Variants in IQCB1 observed in about 807,000 individuals in gnomAD.
IQCB1 encodes IQ calmodulin-binding motif-containing protein 1.
Under a neutral mutation model 84.4 loss-of-function variants are expected in IQCB1, and 56 were observed. That is an observed-to-expected ratio of 0.66 (90% confidence interval 0.54 to 0.83). The LOEUF (loss-of-function observed/expected upper bound fraction) is 0.83. Among genes scored for constraint, IQCB1 ranks in the 40% least tolerant of loss-of-function variants. IQCB1 has a pLI of 0.00. For synonymous variants in IQCB1, 210 were observed against 234.8 expected (o/e 0.89, Z 0.96); for missense variants, 629 against 682.1 (o/e 0.92, Z 0.87).
At chr3:121,797,294 A>G in intron 8 of IQCB1, 67 bp from the exon 9 acceptor site, 1 of 713,496 alleles carries the variant, frequency 1.4e-6, no homozygotes, top group South Asian at 2.0e-5. Flanking sequence ...TTATCTAATC[A>G]GTATTAATTT....
At chr3:121,830,920 C>T (rs1950615216) in intron 2 of IQCB1, among the ~76,000 whole-genome samples, 1 of 152,234 alleles carries the variant, frequency 6.6e-6, no homozygotes, top group Admixed American at 6.5e-5. Context: ...TGCTGGGTTT[C>T]CCCACTCAGT....
chr3:121,771,159 C>A (rs59740137), intron 14 of IQCB1, among the ~76,000 whole-genome samples: 36,772 of 149,542 alleles, frequency 0.25, 5,047 homozygotes, highest in Admixed American at 0.43. Context: ...TTAGTAGAGA[C>A]GGGCGTTTCA....
chr3:121,777,660 AG>A (rs1358468328), intron 13 of IQCB1, among the ~76,000 whole-genome samples: 5 of 152,182 alleles, frequency 3.3e-5, no homozygotes, highest in African/African-American at 1.2e-4. Context: ...AGAAATGTTA[AG>A]TCTTTTACAC....
At chr3:121,816,943 T>C (rs1559793324) in intron 5 of IQCB1, among the ~76,000 whole-genome samples, 1 of 152,156 alleles carries the variant, frequency 6.6e-6, no homozygotes, top group Non-Finnish European at 1.5e-5. Flanking sequence ...CATTCTACTA[T>C]AAAGACACAT....
Position 121,825,920 on chromosome 3 carries a change from G to C in IQCB1, c.393+131C>G, listed in dbSNP as rs546830888. On this transcript the variant is annotated intron_variant, in intron 5 of 14. Transcript: ENST00000310864. ...ACATAGAGATGATTTTTGGAAGGTT[G>C]TAACTTTGAAAATGTTTAAATTCAC... 7.4e-4 allele frequency: 660 copies of C among 897,024 alleles called. 5 individuals carry two copies. Among genetic ancestry groups the C allele is most frequent in the South Asian group, 3.5e-3 (222 of 63,412 alleles). The allele number at this position is 897,024 out of a possible 1,614,324, so 55.6% of individuals were successfully genotyped here. A position where few individuals can be genotyped will look rare whatever the true frequency, so the allele number is the denominator to read the frequency against.
intron 14 of IQCB1, among the ~76,000 whole-genome samples, chr3:121,771,161 G>A (rs2108504578): frequency 6.6e-6 from 1 of 151,398 alleles, no homozygotes; most frequent in East Asian, 1.9e-4. Flanking sequence ...AGTAGAGACG[G>A]GCGTTTCACC....
At chr3:121,785,548 G>C (rs550617905) in intron 12 of IQCB1, among the ~76,000 whole-genome samples, 1 of 152,244 alleles carries the variant, frequency 6.6e-6, no homozygotes, top group Non-Finnish European at 1.5e-5. Context: ...CAACAGAAAT[G>C]TAAGGTGAGT....
At chr3:121,795,653 G>T in intron 9 of IQCB1, 87 bp from the exon 10 acceptor site, 1 of 768,730 alleles carries the variant, frequency 1.3e-6, no homozygotes. Context: ...TCAGGTTAGG[G>T]CAAATATTAA....
chr3:121,786,172 A>AAAC (rs1323674605), intron 12 of IQCB1, among the ~76,000 whole-genome samples: 7 of 92,978 alleles, frequency 7.5e-5, no homozygotes, highest in Admixed American at 3.0e-4. Context: ...TTCTGTCTCA[A>AAAC]AAGAAAAGAA....
At position 121,797,213 on chromosome 3, in the gene IQCB1, G is replaced by GT; in HGVS notation, c.780dup (p.Leu261ThrfsTer3). The GT allele has an allele frequency of 6.3e-7, 1 of 1,586,856 alleles. No homozygotes were observed. The highest frequency in any genetic ancestry group is 2.0e-4 in the Middle Eastern group (1 of 5,096). ...TCAGTCCCAGTTTCCTGTTTACTTA[G>GT]TAGACGTCTGAGTCCTGAAATGGAA... On this transcript the variant is annotated frameshift_variant, in exon 9 of 15. Coordinates refer to ENST00000310864, the MANE Select transcript of IQCB1 (RefSeq NM_001023570.4). LOFTEE classifies it high-confidence loss of function.
At chr3:121,797,003 T>G (rs887699004) in intron 9 of IQCB1, 115 bp downstream of exon 9, 3 of 725,978 alleles carry the variant, frequency 4.1e-6, no homozygotes, top group Non-Finnish European at 7.5e-6. Context: ...ATTTCTGTTT[T>G]GGGGGTATTT....
chr3:121,818,760 G>A (rs576596480), intron 5 of IQCB1, among the ~76,000 whole-genome samples: 38 of 152,272 alleles, frequency 2.5e-4, no homozygotes, highest in African/African-American at 8.7e-4. Flanking sequence ...AGATGACCAC[G>A]AATAAGAACC....
chr3:121,777,394 T>C (rs1948272542), intron 13 of IQCB1, among the ~76,000 whole-genome samples: 2 of 152,246 alleles, frequency 1.3e-5, no homozygotes, highest in South Asian at 4.1e-4. Context: ...CTGTACAGCA[T>C]GTTATTGTAT....
chr3:121,809,655 G>A (rs1949748691), intron 5 of IQCB1, among the ~76,000 whole-genome samples: 1 of 151,930 alleles, frequency 6.6e-6, no homozygotes, highest in Non-Finnish European at 1.5e-5. Flanking sequence ...CTTCCTTTCT[G>A]GAAAGTAGGG....
chr3:121,801,422 G>A (rs937157938), intron 7 of IQCB1, among the ~76,000 whole-genome samples: 1 of 151,960 alleles, frequency 6.6e-6, no homozygotes, highest in African/African-American at 2.4e-5. Context: ...TTAATCATCT[G>A]TCTCACAAAA....
Position 121,826,056 on chromosome 3 carries a change from C to G in IQCB1, c.388G>C (p.Ala130Pro). The change falls in exon 5 of 15, where the codon GCT becomes CCT. Residue 130 changes from alanine to proline, a missense_variant. By Grantham distance (27) the Ala-to-Pro change is conservative (BLOSUM62 -1). Coordinates refer to ENST00000310864, the MANE Select transcript of IQCB1 (RefSeq NM_001023570.4). ...AAGACTAAATAAACACATACCTTAG[C>G]TGCATTGATAAAACATGTTTGTAAT... ...RQLQTCFINA[A>P]KAEEKDELLH... 6.2e-7 allele frequency: 1 copy of G among 1,612,306 alleles called. No homozygotes were observed. The highest frequency in any genetic ancestry group is 2.2e-5 in the East Asian group (1 of 44,846).
rs996021765 is a variant in IQCB1 at position 121,806,380 on chromosome 3, G to A, written c.587+964C>T. On this transcript the variant is annotated intron_variant, in intron 7 of 14. Coordinates refer to ENST00000310864, the MANE Select transcript of IQCB1 (RefSeq NM_001023570.4). ...ACTTTAAAAATCTTCAATGGTCCCC[G>A]TTGCCTATAGGATTAGACTCCGTTT... Among the ~76,000 whole-genome samples the A allele has an allele frequency of 3.3e-5, 5 of 152,082 alleles. No individual in the cohort carries two copies. In the South Asian group the frequency reaches 1.0e-3, roughly 32 times the overall value.
At chr3:121,774,427 C>T (rs146533153) in intron 13 of IQCB1, among the ~76,000 whole-genome samples, 3 of 152,222 alleles carry the variant, frequency 2.0e-5, no homozygotes, top group African/African-American at 4.8e-5. Context: ...ATTTCCATTT[C>T]GGATACTCAC....
chr3:121,803,990 CTTT>C (rs545830288), intron 7 of IQCB1, among the ~76,000 whole-genome samples: 2 of 148,036 alleles, frequency 1.4e-5, no homozygotes, highest in Non-Finnish European at 3.0e-5. Context: ...CTTTGTTCTT[CTTT>C]TTTTTTTACT....
Sources: allele counts gnomAD v4.1 joint callset (sites outside exome capture counted in the v4.1 genomes callset), GRCh38; gene constraint gnomAD v4.1.1; transcripts MANE v1.5; gene names NCBI Gene and HGNC (gene_info 2026-07-23, HGNC 2026-07-21).